Variants in PPFIBP1 observed in about 807,000 individuals in gnomAD.
The protein encoded by PPFIBP1 is liprin-beta-1.
Under a neutral mutation model 137.8 loss-of-function variants are expected in PPFIBP1, and 112 were observed. The observed-to-expected ratio is 0.81, with a 90% CI of 0.70 to 0.95. The LOEUF is 0.95. PPFIBP1 is among the 40% of genes least tolerant of loss of function. PPFIBP1 has a pLI of 0.00. For missense variants in PPFIBP1, 1,083 were observed against 1,196.6 expected, an observed-to-expected ratio of 0.91 and a Z score of 1.40; for synonymous variants, 378 against 417.3, an observed-to-expected ratio of 0.91 and a Z score of 1.15.
intron 17 of PPFIBP1, 22 bp from the exon 18 acceptor site, chr12:27,676,406 A>T (rs766558224): frequency 6.9e-7 from 1 of 1,458,722 alleles, no homozygotes; most frequent in South Asian, 1.6e-5. Context: ...GAGCTGTTTC[A>T]CTATTCTTAT....
At chr12:27,666,667 G>C (rs1244035118) in intron 12 of PPFIBP1, among the ~76,000 whole-genome samples, 6 of 152,160 alleles carry the variant, frequency 3.9e-5, no homozygotes, top group Non-Finnish European at 8.8e-5. Context: ...ATCCTCTTGA[G>C]AGATCAAAGA....
chr12:27,675,000 TTTTTTTA>T (rs2060432199), intron 17 of PPFIBP1, among the ~76,000 whole-genome samples: 3 of 151,630 alleles, frequency 2.0e-5, no homozygotes, highest in South Asian at 4.2e-4. Context: ...CGTTTGTTTT[TTTTTTTA>T]TTTTTTATTT....
intron 2 of PPFIBP1, among the ~76,000 whole-genome samples, chr12:27,609,455 A>G (rs990298687): frequency 2.0e-5 from 3 of 152,074 alleles, no homozygotes; most frequent in African/African-American, 7.2e-5. Context: ...ATCTCCTAAC[A>G]TATGTTACAT....
At chr12:27,558,202 A>C (rs930590594) in intron 1 of PPFIBP1, among the ~76,000 whole-genome samples, 1 of 151,910 alleles carries the variant, frequency 6.6e-6, no homozygotes, top group South Asian at 2.1e-4. Context: ...CTTTATTAGT[A>C]TGCTCACATA....
intron 1 of PPFIBP1, among the ~76,000 whole-genome samples, chr12:27,564,108 T>G (rs936908206): frequency 6.6e-6 from 1 of 152,122 alleles, no homozygotes; most frequent in Non-Finnish European, 1.5e-5. Flanking sequence ...CCTGACCTTG[T>G]GATCCGCCTG....
intron 1 of PPFIBP1, among the ~76,000 whole-genome samples, chr12:27,569,146 G>A (rs938582567): frequency 1.3e-5 from 2 of 152,162 alleles, no homozygotes; most frequent in Admixed American, 1.3e-4. Context: ...TCTCCAGAAT[G>A]ATCTTTTTGA....
At chr12:27,544,174 G>T (rs1394291115) in intron 1 of PPFIBP1, among the ~76,000 whole-genome samples, 1 of 152,078 alleles carries the variant, frequency 6.6e-6, no homozygotes, top group African/African-American at 2.4e-5. Flanking sequence ...GAGCCATCAT[G>T]TCCCCCCTGA....
intron 1 of PPFIBP1, among the ~76,000 whole-genome samples, chr12:27,565,610 C>T (rs1248598768): frequency 2.6e-5 from 4 of 152,174 alleles, no homozygotes; most frequent in African/African-American, 9.7e-5. Flanking sequence ...GGATGTCCCC[C>T]TTCCTAAGCA....
Position 27,664,452 on chromosome 12 carries a change from G to A in PPFIBP1, c.991+6G>A, listed in dbSNP as rs1294132479. 1.9e-6 allele frequency: 3 copies of A among 1,595,776 alleles called. No individual in the cohort carries two copies. The highest frequency in any genetic ancestry group is 2.8e-5 in the African/African-American group (2 of 72,048). On this transcript the variant is annotated splice_donor_region_variant and intron_variant, in intron 12 of 29. Transcript: ENST00000228425. ...ACTGGCCCAAGGTAAAAAAGGTAGA[G>A]TGTAGCTCTAAAAGTTTTTCTACTT... is the stretch of plus-strand genomic sequence containing the variant.
intron 12 of PPFIBP1, among the ~76,000 whole-genome samples, chr12:27,665,869 C>G (rs2059825541): frequency 6.6e-6 from 1 of 152,122 alleles, no homozygotes; most frequent in Non-Finnish European, 1.5e-5. Context: ...GCAAATGAAC[C>G]TCTAATAATC....
chr12:27,576,443 C>T (rs1294968423), intron 1 of PPFIBP1, among the ~76,000 whole-genome samples: 1 of 152,150 alleles, frequency 6.6e-6, no homozygotes, highest in Non-Finnish European at 1.5e-5. Flanking sequence ...GCAGCCTCCC[C>T]CTGCAGCCTA....
intron 8 of PPFIBP1, 90 bp downstream of exon 8, chr12:27,654,904 A>G (rs2059100513): frequency 1.4e-6 from 2 of 1,460,988 alleles, no homozygotes; most frequent in Non-Finnish European, 1.8e-6. Flanking sequence ...TTTCTACTTA[A>G]TGTATGATAA....
At chr12:27,637,896 G>A (rs934008699) in intron 4 of PPFIBP1, among the ~76,000 whole-genome samples, 12 of 152,020 alleles carry the variant, frequency 7.9e-5, no homozygotes, top group Non-Finnish European at 1.2e-4. Flanking sequence ...TCAGAAGTTG[G>A]GATGTGTTTT....
chr12:27,575,829 G>A (rs1360727189), intron 1 of PPFIBP1, among the ~76,000 whole-genome samples: 2 of 152,122 alleles, frequency 1.3e-5, no homozygotes, highest in African/African-American at 4.8e-5. Flanking sequence ...TTTTGCGAGT[G>A]GCTATGTTGG....
At chr12:27,619,570 C>T (rs1473483411) in intron 2 of PPFIBP1, among the ~76,000 whole-genome samples, 1 of 152,188 alleles carries the variant, frequency 6.6e-6, no homozygotes, top group Non-Finnish European at 1.5e-5. Context: ...GAAATGCTGT[C>T]ATACTCAGAA....
chr12:27,648,687 A>T (rs1005557643), intron 6 of PPFIBP1, among the ~76,000 whole-genome samples: 6 of 152,216 alleles, frequency 3.9e-5, no homozygotes, highest in Admixed American at 3.9e-4. Flanking sequence ...CATGAGATTC[A>T]GTCATTTGCA....
At chr12:27,619,313 T>C (rs2056103105) in intron 2 of PPFIBP1, among the ~76,000 whole-genome samples, 1 of 152,218 alleles carries the variant, frequency 6.6e-6, no homozygotes, top group Non-Finnish European at 1.5e-5. Context: ...ATATAAATGC[T>C]AGGTAAATCT....
intron 4 of PPFIBP1, among the ~76,000 whole-genome samples, chr12:27,639,439 AT>A (rs1482882847): frequency 6.6e-6 from 1 of 152,178 alleles, no homozygotes; most frequent in African/African-American, 2.4e-5. Flanking sequence ...GCCCTAGAAC[AT>A]TCTTATAATG....
chr12:27,581,234 A>G (rs1231814112), intron 2 of PPFIBP1, among the ~76,000 whole-genome samples: 1 of 152,154 alleles, frequency 6.6e-6, no homozygotes, highest in African/African-American at 2.4e-5. Context: ...TGGCACGTAT[A>G]TGAAATTTCG....
Sources: allele counts gnomAD v4.1 joint callset (sites outside exome capture counted in the v4.1 genomes callset), GRCh38; gene constraint gnomAD v4.1.1; transcripts MANE v1.5; gene names NCBI Gene and HGNC (gene_info 2026-07-23, HGNC 2026-07-21).